The following FAM13B variants were observed in gnomAD, a reference collection of about 807,000 sequenced individuals.
FAM13B encodes the protein protein FAM13B.
Under a neutral mutation model 117.3 loss-of-function variants are expected in FAM13B, and 60 were observed. The observed-to-expected ratio is 0.51, with a 90% CI of 0.42 to 0.63. The LOEUF (loss-of-function observed/expected upper bound fraction) is 0.63, where lower values mean the gene tolerates loss of function less well. Ranked by LOEUF, FAM13B falls within the 30% of genes least tolerant of loss-of-function variation. The pLI is 0.00. For missense variants in FAM13B, 972 were observed against 1,091.9 expected (o/e 0.89, Z 1.55); for synonymous variants, 332 against 356.1 (o/e 0.93, Z 0.76).
intron 10 of FAM13B, among the ~76,000 whole-genome samples, chr5:137,972,349 C>A (rs1417678450): frequency 6.6e-6 from 1 of 152,044 alleles, no homozygotes; most frequent in African/African-American, 2.4e-5. Context: ...TAAACAGAAC[C>A]AAAGACAAAA....
intron 1 of FAM13B, among the ~76,000 whole-genome samples, chr5:138,047,297 G>T (rs1406272566): frequency 2.0e-5 from 3 of 151,170 alleles, no homozygotes; most frequent in African/African-American, 7.3e-5. Flanking sequence ...ATGAGGTCGG[G>T]ATATCAAGAC....
At chr5:137,940,442 A>T (rs1581025783) in intron 23 of FAM13B, 94 bp from the exon 24 acceptor site, 1 of 766,886 alleles carries the variant, frequency 1.3e-6, no homozygotes, top group Non-Finnish European at 2.1e-6. Flanking sequence ...GTTACTAAAC[A>T]TAAGTTCAAA....
chr5:138,047,123 C>T (rs1228276669), intron 1 of FAM13B, among the ~76,000 whole-genome samples: 3 of 152,084 alleles, frequency 2.0e-5, no homozygotes, highest in Admixed American at 6.6e-5. Context: ...AACAAAAGAA[C>T]AATCATTTTT....
intron 1 of FAM13B, among the ~76,000 whole-genome samples, chr5:138,048,574 A>C (rs555393304): frequency 6.6e-6 from 1 of 152,158 alleles, no homozygotes; most frequent in African/African-American, 2.4e-5. Flanking sequence ...TTTGTACCCA[A>C]GGAAAAAGCT....
intron 7 of FAM13B, among the ~76,000 whole-genome samples, chr5:138,006,524 C>T: frequency 6.6e-6 from 1 of 152,192 alleles, no homozygotes; most frequent in South Asian, 2.1e-4. Context: ...CAGCCTACCA[C>T]ATTTATCGAA....
At position 138,011,809 on chromosome 5, in the gene FAM13B, G is replaced by A. The variant is rs10064910; in HGVS notation, c.507C>T (p.Ser169=). 1 allele frequency: 1,609,187 copies of A among 1,612,180 alleles called. 803,167 individuals carry two copies. Among genetic ancestry groups the A allele is most frequent in the East Asian group, 1 (44,804 of 44,804 alleles). Residue 169 remains serine (S), a synonymous_variant, in exon 5 of 24, where the codon TCC becomes TCT. Transcript: ENST00000689681. ...CAAAGACAGCAGCCAAAGAATTTGC[G>A]GACCAAATTTCTTCATGATGTGATG... ...NVASHHEEIW[S]ANSLAAVFGP... is the part of the protein sequence containing the mutation.
chr5:137,980,696 T>C (rs1267744676), intron 10 of FAM13B, among the ~76,000 whole-genome samples: 1 of 151,984 alleles, frequency 6.6e-6, no homozygotes, highest in Non-Finnish European at 1.5e-5. Context: ...TGCCTCAGCC[T>C]CCCAAAGTGC....
chr5:138,000,289 T>C (rs1780894337), intron 7 of FAM13B, among the ~76,000 whole-genome samples: 1 of 152,016 alleles, frequency 6.6e-6, no homozygotes, highest in African/African-American at 2.4e-5. Context: ...GTCCTAGCTA[T>C]TCATCAAGCT....
chr5:138,010,562 C>T (rs188865050), intron 6 of FAM13B, among the ~76,000 whole-genome samples: 4 of 152,258 alleles, frequency 2.6e-5, no homozygotes, highest in Admixed American at 6.5e-5. Context: ...CCAGATGCTT[C>T]CCATTAGTGA....
chr5:137,969,149 T>C (rs1296703774), intron 10 of FAM13B, among the ~76,000 whole-genome samples: 1 of 152,222 alleles, frequency 6.6e-6, no homozygotes, highest in Non-Finnish European at 1.5e-5. Flanking sequence ...GCTCCACCTC[T>C]GGGGGGCAGG....
chr5:137,957,046 C>T (rs1766768819), intron 13 of FAM13B, among the ~76,000 whole-genome samples: 1 of 152,182 alleles, frequency 6.6e-6, no homozygotes, highest in Non-Finnish European at 1.5e-5. Flanking sequence ...CTAACTACTA[C>T]TGCATTCTGC....
chr5:137,957,110 T>A (rs1249735496), intron 13 of FAM13B, among the ~76,000 whole-genome samples: 1 of 152,214 alleles, frequency 6.6e-6, no homozygotes, highest in South Asian at 2.1e-4. Context: ...TACTTAGGAA[T>A]AGTGACATAG....
chr5:138,004,807 G>A (rs376739893), intron 7 of FAM13B, among the ~76,000 whole-genome samples: 1 of 152,160 alleles, frequency 6.6e-6, no homozygotes, highest in South Asian at 2.1e-4. Context: ...AGCCCAAGAG[G>A]TAGAGGCTAT....
intron 10 of FAM13B, among the ~76,000 whole-genome samples, chr5:137,971,517 C>T (rs1772140732): frequency 6.9e-6 from 1 of 145,284 alleles, no homozygotes; most frequent in Non-Finnish European, 1.5e-5. Context: ...CAGGAAAGAT[C>T]TAAAATTGAC....
intron 10 of FAM13B, among the ~76,000 whole-genome samples, chr5:137,983,631 T>C (rs960270591): frequency 1.3e-5 from 2 of 152,312 alleles, no homozygotes; most frequent in African/African-American, 4.8e-5. Flanking sequence ...AGGACAACTA[T>C]AGAAGCAATA....
At chr5:137,999,896 T>C (rs890547331) in intron 7 of FAM13B, among the ~76,000 whole-genome samples, 2 of 152,082 alleles carry the variant, frequency 1.3e-5, no homozygotes, top group Non-Finnish European at 2.9e-5. Context: ...CCCCATGGCC[T>C]AATAACCTCC....
At chr5:138,039,900 G>A (rs192738054) in intron 1 of FAM13B, 1 of 152,246 alleles carries the variant, frequency 6.6e-6, no homozygotes, top group East Asian at 1.9e-4. Context: ...AATGTTTTCT[G>A]AATCCCCAAG....
chr5:138,038,839 G>A (rs1791379349), intron 1 of FAM13B, among the ~76,000 whole-genome samples: 1 of 152,150 alleles, frequency 6.6e-6, no homozygotes, highest in Admixed American at 6.5e-5. Flanking sequence ...GCTATTATGG[G>A]TCAGGCACTG....
intron 17 of FAM13B, among the ~76,000 whole-genome samples, chr5:137,951,976 C>T (rs938035757): frequency 6.6e-6 from 1 of 151,466 alleles, no homozygotes; most frequent in Non-Finnish European, 1.5e-5. Context: ...GACTCTGTCT[C>T]GAAAAAATTA....
Sources: gnomAD v4.1 joint callset for allele counts (sites outside exome capture counted in the v4.1 genomes callset) on GRCh38, gnomAD v4.1.1 for gene constraint, MANE v1.5 for transcripts, NCBI Gene and HGNC (gene_info 2026-07-23, HGNC 2026-07-21) for gene names.